The following PRKDC variants were observed in gnomAD, a reference collection of about 807,000 sequenced individuals.
The protein encoded by PRKDC is protein kinase, DNA-activated, catalytic subunit.
A neutral mutation model predicts 486.9 loss-of-function variants in PRKDC; 82 were observed. The observed-to-expected ratio is 0.17, with a 90% CI of 0.14 to 0.20. The LOEUF (loss-of-function observed/expected upper bound fraction) is 0.20. Among genes scored for constraint, PRKDC ranks in the 10% least tolerant of loss-of-function variants. The pLI is 1.00. For synonymous variants in PRKDC, 1,895 were observed against 1,837.0 expected, an observed-to-expected ratio of 1.03 and a Z score of -0.81; for missense variants, 4,504 against 5,038.2, an observed-to-expected ratio of 0.89 and a Z score of 3.21.
At chr8:47,873,867 G>A (rs2089021853) in intron 40 of PRKDC, among the ~76,000 whole-genome samples, 1 of 152,018 alleles carries the variant, frequency 6.6e-6, no homozygotes, top group African/African-American at 2.4e-5. Context: ...GCTGGAAAGG[G>A]TAAGAGGGAG....
intron 11 of PRKDC, among the ~76,000 whole-genome samples, chr8:47,937,670 C>G (rs550420679): frequency 2.0e-5 from 3 of 152,356 alleles, no homozygotes; most frequent in Non-Finnish European, 2.9e-5. Context: ...CTATCATGCT[C>G]TAGCCACAGG....
intron 7 of PRKDC, among the ~76,000 whole-genome samples, chr8:47,950,879 G>C (rs1469249799): frequency 6.6e-6 from 1 of 152,002 alleles, no homozygotes; most frequent in Non-Finnish European, 1.5e-5. Context: ...TTGATGCTGA[G>C]GTGGGAGAAC....
At chr8:47,911,152 C>A (rs569817129) in intron 25 of PRKDC, among the ~76,000 whole-genome samples, 22 of 152,268 alleles carry the variant, frequency 1.4e-4, no homozygotes, top group Non-Finnish European at 2.6e-4. Context: ...GCCTTACTGG[C>A]CCGCTGACAA....
intron 21 of PRKDC, 155 bp downstream of exon 21, chr8:47,927,039 C>T: frequency 1.3e-6 from 1 of 757,308 alleles, no homozygotes; most frequent in Non-Finnish European, 2.0e-6. Flanking sequence ...CAATTAGAGT[C>T]AGATAAATTA....
At chr8:47,918,568 A>G (rs2090025226) in intron 21 of PRKDC, among the ~76,000 whole-genome samples, 185 bp from the exon 22 acceptor site, 1 of 152,234 alleles carries the variant, frequency 6.6e-6, no homozygotes, top group Non-Finnish European at 1.5e-5. Flanking sequence ...GTCTGCCAAA[A>G]GGAACATGGC....
intron 27 of PRKDC, 84 bp downstream of exon 27, chr8:47,902,485 T>G: frequency 1.1e-6 from 1 of 927,180 alleles, no homozygotes; most frequent in East Asian, 2.9e-5. Context: ...ATGCAGGAAA[T>G]ATGACACACG....
At chr8:47,945,501 T>G (rs1409185563) in intron 7 of PRKDC, among the ~76,000 whole-genome samples, 3 of 152,192 alleles carry the variant, frequency 2.0e-5, no homozygotes, top group Non-Finnish European at 4.4e-5. Flanking sequence ...AACCACACAT[T>G]GTTTGCCTTT....
chr8:47,874,100 C>T (rs1051629045), intron 40 of PRKDC, among the ~76,000 whole-genome samples: 3 of 151,164 alleles, frequency 2.0e-5, no homozygotes, highest in South Asian at 2.1e-4. Context: ...CCCACCACCA[C>T]GCCCGGCTAA....
intron 73 of PRKDC, among the ~76,000 whole-genome samples, chr8:47,797,876 T>C (rs8178229): frequency 0.014 from 2,139 of 152,306 alleles, 38 homozygotes; most frequent in African/African-American, 0.041. Context: ...CTCACTCCCT[T>C]TGGGCTAAAT....
At chr8:47,912,283 G>A in intron 25 of PRKDC, 127 bp downstream of exon 25, 1 of 1,072,710 alleles carries the variant, frequency 9.3e-7, no homozygotes, top group Non-Finnish European at 1.3e-6. Context: ...AGAGCACCTG[G>A]GGTAGCAGTC....
intron 3 of PRKDC, 82 bp from the exon 4 acceptor site, chr8:47,956,030 A>T (rs2090694858): frequency 2.0e-6 from 2 of 1,016,674 alleles, no homozygotes; most frequent in East Asian, 5.2e-5. Flanking sequence ...CTACTTCTCC[A>T]AGAGGAGCAA....
chr8:47,845,231 C>G (rs1476045094), intron 54 of PRKDC, among the ~76,000 whole-genome samples: 1 of 151,806 alleles, frequency 6.6e-6, no homozygotes, highest in Admixed American at 6.6e-5. Context: ...TAAAACCAAC[C>G]AAAACAAAAC....
chr8:47,820,850 T>C lies in PRKDC; in HGVS notation c.9205A>G (p.Met3069Val). 1.2e-6 allele frequency: 2 copies of C among 1,613,012 alleles called. No individual in the cohort carries two copies. Among genetic ancestry groups the C allele is most frequent in the African/African-American group, 1.3e-5 (1 of 75,018 alleles). ...ATCGCCTTCTGGAGCTCCCCGTGCA[T>C]AGCTTTGTCAATAAATGTCAGCAGG... The part of the protein sequence containing the change: ...QSLLTFIDKA[M>V]HGELQKAILE... The change falls in exon 66 of 86, where the codon ATG becomes GTG. Residue 3069 changes from methionine to valine, a missense_variant. Physicochemically the swap from Met to Val is conservative, Grantham distance 21. Around this residue, in one of 6 missense-constraint regions of PRKDC, gnomAD observed 1,592 missense variants for 1,724.6 expected, o/e 0.92. Coordinates refer to ENST00000314191, the MANE Select transcript of PRKDC (RefSeq NM_006904.7).
At chr8:47,923,359 A>G (rs2154503234) in intron 21 of PRKDC, among the ~76,000 whole-genome samples, 1 of 152,300 alleles carries the variant, frequency 6.6e-6, no homozygotes, top group East Asian at 1.9e-4. Context: ...CCAAGAAATC[A>G]TTCTATGTAA....
chr8:47,915,842 T>C (rs556746735), intron 22 of PRKDC, among the ~76,000 whole-genome samples: 2 of 152,360 alleles, frequency 1.3e-5, no homozygotes, highest in Admixed American at 6.5e-5. Flanking sequence ...AAATTTTAAA[T>C]AGTCTTTTTA....
chr8:47,802,053 A>G (rs886129701), intron 70 of PRKDC, among the ~76,000 whole-genome samples: 52 of 151,956 alleles, frequency 3.4e-4, no homozygotes, highest in Admixed American at 3.3e-3. Flanking sequence ...AATCATAAGG[A>G]TAATTTTCTT....
intron 68 of PRKDC, among the ~76,000 whole-genome samples, chr8:47,812,612 CA>C (rs943560251): frequency 1.3e-5 from 2 of 151,664 alleles, no homozygotes; most frequent in African/African-American, 4.8e-5. Flanking sequence ...TACAGGGACA[CA>C]AATAACTTTA....
intron 10 of PRKDC, chr8:47,939,967 A>AC (rs2090416927): frequency 1.3e-5 from 3 of 231,810 alleles, no homozygotes; most frequent in East Asian, 1.7e-4. Context: ...AAAAAAAAAA[A>AC]AAACCAAAAA....
At chr8:47,819,920 T>C (rs1418912327) in intron 66 of PRKDC, among the ~76,000 whole-genome samples, 8 of 152,254 alleles carry the variant, frequency 5.3e-5, no homozygotes, top group South Asian at 2.1e-4. Context: ...TATGCTTCTA[T>C]GCTAAATGTC....
Sources: gnomAD v4.1 joint callset for allele counts (sites outside exome capture counted in the v4.1 genomes callset) on GRCh38, gnomAD v4.1.1 for gene constraint, gnomAD v4.1.1 regional missense constraint, MANE v1.5 for transcripts, NCBI Gene and HGNC (gene_info 2026-07-23, HGNC 2026-07-21) for gene names.